LYRM9: variants seen among roughly 807,000 people sequenced by gnomAD.
LYRM9 encodes LYR motif-containing protein 9.
Under a neutral mutation model 12.6 loss-of-function variants are expected in LYRM9, and 14 were observed. That is an observed-to-expected ratio of 1.11 (90% confidence interval 0.73 to 1.73). The LOEUF (loss-of-function observed/expected upper bound fraction) is 1.73, where lower values mean the gene tolerates loss of function less well. Among genes scored for constraint, LYRM9 ranks in the 40% most tolerant of loss-of-function variants. The pLI is 0.00. For synonymous variants in LYRM9, 42 were observed against 35.1 expected, an observed-to-expected ratio of 1.20 and a Z score of -0.69; for missense variants, 94 against 95.0, an observed-to-expected ratio of 0.99 and a Z score of 0.04.
rs60237622 is a variant in LYRM9, at chr17:27,892,875, C to T, written c.-19+442G>A. ...CCTAGGAGCGAAAGGGTTTTGGCCA[C>T]GGAGCAACTTGCTCTTACGCAGAAG... On this transcript the variant is annotated intron_variant, in intron 1 of 3. Transcript: ENST00000379102. 690 of 153,592 alleles carry T rather than the reference C, an allele frequency of 4.5e-3. 4 individuals carry two copies. The highest frequency in any genetic ancestry group is 0.016 in the African/African-American group (653 of 41,606). 9.5% of individuals were successfully genotyped at this position (153,592 alleles called of 1,614,324 possible). A position where few individuals can be genotyped will look rare whatever the true frequency, so the allele number is the denominator to read the frequency against.
chr17:27,880,450 A>C, intron 2 of LYRM9, 84 bp from the exon 3 acceptor site: 1 of 883,830 alleles, frequency 1.1e-6, no homozygotes, highest in Non-Finnish European at 1.8e-6. Flanking sequence ...GGCCAGGGAC[A>C]CTGCTGGGCA....
At chr17:27,884,956 TC>T (rs1455537269) in intron 1 of LYRM9, among the ~76,000 whole-genome samples, 1 of 152,112 alleles carries the variant, frequency 6.6e-6, no homozygotes, top group Non-Finnish European at 1.5e-5. Flanking sequence ...TCCATTTACA[TC>T]CCATTATCTC....
intron 1 of LYRM9, among the ~76,000 whole-genome samples, chr17:27,883,870 A>AAAAAAAAAAT (rs869285764): frequency 7.1e-6 from 1 of 141,512 alleles, no homozygotes; most frequent in African/African-American, 2.6e-5. Context: ...AAAAAAAAAA[A>AAAAAAAAAAT]GGCTGTATTG....
At chr17:27,888,893 G>A (rs764083146) in intron 1 of LYRM9, among the ~76,000 whole-genome samples, 5 of 152,096 alleles carry the variant, frequency 3.3e-5, no homozygotes, top group East Asian at 3.9e-4. Context: ...AAAATTCCCC[G>A]CTGTAAAGTT....
intron 1 of LYRM9, among the ~76,000 whole-genome samples, chr17:27,885,710 A>G (rs1905210148): frequency 1.3e-5 from 2 of 151,092 alleles, no homozygotes; most frequent in Non-Finnish European, 3.0e-5. Flanking sequence ...TCAAAAAAAA[A>G]AAAAAAAAAA....
intron 1 of LYRM9, 138 bp from the exon 2 acceptor site, chr17:27,882,850 C>A (rs1027989771): frequency 1.0e-6 from 1 of 983,560 alleles, no homozygotes; most frequent in Non-Finnish European, 1.5e-6. Flanking sequence ...GGAGCCTGCA[C>A]CTTGGGGTGG....
intron 1 of LYRM9, among the ~76,000 whole-genome samples, chr17:27,888,525 C>G (rs557512921): frequency 6.6e-6 from 1 of 152,336 alleles, no homozygotes; most frequent in South Asian, 2.1e-4. Flanking sequence ...GTGGGAGAAT[C>G]ACTTTACTCT....
At chr17:27,891,172 A>G (rs1271376153) in intron 1 of LYRM9, among the ~76,000 whole-genome samples, 3 of 151,988 alleles carry the variant, frequency 2.0e-5, no homozygotes, top group African/African-American at 7.3e-5. Context: ...AGAGTTCTCT[A>G]CCCATGGCCT....
At chr17:27,890,074 T>G (rs987255588) in intron 1 of LYRM9, among the ~76,000 whole-genome samples, 1 of 152,218 alleles carries the variant, frequency 6.6e-6, no homozygotes, top group African/African-American at 2.4e-5. Flanking sequence ...GTTAAGTAAT[T>G]TGCCAAGAGC....
At position 27,882,515 on chromosome 17, in the gene LYRM9, C is replaced by T. The variant is rs1567663025; in HGVS notation, c.126+54G>A. On this transcript the variant is annotated intron_variant, in intron 2 of 3. Coordinates refer to ENST00000379102, the MANE Select transcript of LYRM9 (RefSeq NM_001076680.3). ...CCCTGGCCTTGGCCTCTGACCTGCGCCCCTAAGCCTGCCATTAGAGGCAGC... is the reference window on the plus strand; with the variant it reads ...CCCTGGCCTTGGCCTCTGACCTGCGTCCCTAAGCCTGCCATTAGAGGCAGC... 2.0e-6 allele frequency: 3 copies of T among 1,499,172 alleles called. No homozygotes were observed. The East Asian group carries it at 7.2e-5, about 36-fold the overall frequency. The allele number at this position is 1,499,172 out of a possible 1,614,324, so 92.9% of individuals were successfully genotyped here.
chr17:27,885,266 C>T (rs893822672), intron 1 of LYRM9, among the ~76,000 whole-genome samples: 1 of 152,166 alleles, frequency 6.6e-6, no homozygotes, highest in Non-Finnish European at 1.5e-5. Flanking sequence ...GCAGAAGTGG[C>T]GTGAAAGGAC....
At chr17:27,888,104 A>G (rs1019711882) in intron 1 of LYRM9, among the ~76,000 whole-genome samples, 2 of 152,236 alleles carry the variant, frequency 1.3e-5, no homozygotes, top group African/African-American at 4.8e-5. Context: ...CCTGTGGCCC[A>G]GCCAAGTTGA....
Position 27,882,690 on chromosome 17 carries a change from G to T in LYRM9, c.5C>A (p.Ala2Asp), listed in dbSNP as rs1355403768. 1 of 1,600,422 alleles carries T rather than the reference G, an allele frequency of 6.2e-7. No homozygotes were observed. Among genetic ancestry groups the T allele is most frequent in the Non-Finnish European group, 8.5e-7 (1 of 1,173,628 alleles). ...AACCAGTTCTGCTCCTGGCAGCGGG[G>T]CCATCCGTGAGACCCTCTGTCCCTG... MAPLPGAELVRR... is the reference protein window; with the variant it reads MDPLPGAELVRR... Residue 2 changes from alanine (A) to aspartate (D), a missense_variant, in exon 2 of 4, where the codon GCC becomes GAC. Transcript: ENST00000379102.
intron 3 of LYRM9, chr17:27,879,727 C>T (rs1021960265): frequency 1.3e-5 from 7 of 553,474 alleles, no homozygotes; most frequent in East Asian, 1.2e-4. Context: ...ATAGTGATAA[C>T]TCACTCTGGA....
At chr17:27,890,281 C>T (rs142125339) in intron 1 of LYRM9, among the ~76,000 whole-genome samples, 20 of 152,120 alleles carry the variant, frequency 1.3e-4, no homozygotes, top group Non-Finnish European at 2.5e-4. Context: ...CTTATAAAGG[C>T]ACTTGACTGC....
At chr17:27,887,746 G>A (rs1180986327) in intron 1 of LYRM9, among the ~76,000 whole-genome samples, 2 of 151,406 alleles carry the variant, frequency 1.3e-5, no homozygotes, top group Non-Finnish European at 3.0e-5. Context: ...GTGTGTGTGT[G>A]TGTGTGTGTG....
At chr17:27,881,400 A>G (rs1439905877) in intron 2 of LYRM9, among the ~76,000 whole-genome samples, 1 of 149,020 alleles carries the variant, frequency 6.7e-6, no homozygotes, top group Non-Finnish European at 1.5e-5. Flanking sequence ...CTCGTTCTCC[A>G]TGTTTCCACA....
chr17:27,882,598 G>T lies in LYRM9; in HGVS notation c.97C>A (p.Gln33Lys). 6.3e-7 allele frequency: 1 copy of T among 1,596,172 alleles called. No homozygotes were observed. The highest frequency in any genetic ancestry group is 1.1e-5 in the South Asian group (1 of 87,836). Reference sequence around the variant, plus strand: ...CTGACAGCATGCTTGTAATGCTGCTGGATGCCCTTGGTCGGCAGCTGCTGG... The same window carrying T: ...CTGACAGCATGCTTGTAATGCTGCTTGATGCCCTTGGTCGGCAGCTGCTGG... The part of the protein sequence containing the change: ...CCQQLPTKGI[Q>K]QHYKHAVRQS... Residue 33 changes from glutamine (Q) to lysine (K), a missense_variant, in exon 2 of 4, where the codon CAG (glutamine) becomes AAG (lysine). Gln to Lys is a moderately conservative substitution (Grantham distance 53). Coordinates refer to ENST00000379102, the MANE Select transcript of LYRM9 (RefSeq NM_001076680.3).
intron 1 of LYRM9, chr17:27,892,407 A>G (rs1294811241): frequency 4.4e-6 from 2 of 456,110 alleles, no homozygotes; most frequent in Non-Finnish European, 8.8e-6. Context: ...TACCTGAACC[A>G]TAACAGAAGT....
Sources: gnomAD v4.1 joint callset for allele counts (sites outside exome capture counted in the v4.1 genomes callset) on GRCh38, gnomAD v4.1.1 for gene constraint, MANE v1.5 for transcripts, NCBI Gene and HGNC (gene_info 2026-07-23, HGNC 2026-07-21) for gene names.